Variants in HNF4G observed in about 807,000 individuals in gnomAD.
HNF4G encodes the protein hepatocyte nuclear factor 4-gamma.
In HNF4G, 21 loss-of-function variants were observed where a neutral mutation model predicts 50.9. That is an observed-to-expected ratio of 0.41 (90% CI 0.29 to 0.59). The LOEUF (loss-of-function observed/expected upper bound fraction) is 0.59. Among genes scored for constraint, HNF4G ranks in the 20% least tolerant of loss-of-function variants. The probability of loss-of-function intolerance (pLI) is 0.26; values close to 1 mark genes in which losing one functional copy is unlikely to be tolerated. For missense variants in HNF4G, 527 were observed against 559.4 expected, an observed-to-expected ratio of 0.94 and a Z score of 0.58; for synonymous variants, 198 against 185.6, an observed-to-expected ratio of 1.07 and a Z score of -0.54.
At position 75,471,374 on chromosome 8, in the gene HNF4G, T is replaced by C. The variant is rs149977554; in HGVS notation, c.-143-18715T>C. Among the ~76,000 whole-genome samples the C allele has an allele frequency of 4.4e-3, 675 of 152,308 alleles. 9 individuals carry two copies. Among genetic ancestry groups the C allele is most frequent in the Non-Finnish European group, 5.0e-3 (343 of 68,016 alleles). On this transcript the variant is annotated intron_variant, in intron 1 of 10. Transcript: ENST00000354370. The stretch of plus-strand genomic sequence containing the variant: ...GCAGTATATCTAAGCAATTAATTCA[T>C]TATATAGCTCTCATATTTGCAATCA...
At position 75,509,985 on chromosome 8, in the gene HNF4G, G is replaced by A. The variant is rs114609843; in HGVS notation, c.-24+19777G>A. The stretch of plus-strand genomic sequence containing the variant: ...AATTACTATAAAAGAGCCTCAGGCA[G>A]GTCCTTCAGGAGGTATTCCAGAGAA... On this transcript the variant is annotated intron_variant, in intron 2 of 10. Transcript: ENST00000354370. Among the ~76,000 whole-genome samples, 1,428 of 152,226 alleles carry A rather than the reference G, an allele frequency of 9.4e-3. 32 individuals carry two copies. The highest frequency in any genetic ancestry group is 0.033 in the African/African-American group (1,369 of 41,528).
At chr8:75,430,772 ACT>A (rs758275683) in intron 1 of HNF4G, among the ~76,000 whole-genome samples, 3 of 152,188 alleles carry the variant, frequency 2.0e-5, no homozygotes, top group South Asian at 2.1e-4. Context: ...GTCCCACATA[ACT>A]CTCATAGATA....
At chr8:75,485,519 A>C (rs1812478909) in intron 1 of HNF4G, among the ~76,000 whole-genome samples, 1 of 149,290 alleles carries the variant, frequency 6.7e-6, no homozygotes, top group African/African-American at 2.5e-5. Flanking sequence ...CTGTTAATTA[A>C]AGTTTTGAGC....
At chr8:75,459,535 A>T (rs138933917) in intron 1 of HNF4G, among the ~76,000 whole-genome samples, 1 of 152,206 alleles carries the variant, frequency 6.6e-6, no homozygotes, top group Non-Finnish European at 1.5e-5. Flanking sequence ...TCTTGATGTT[A>T]TAAGTCTTGA....
At chr8:75,427,370 G>A (rs2130507726) in intron 1 of HNF4G, among the ~76,000 whole-genome samples, 1 of 152,238 alleles carries the variant, frequency 6.6e-6, no homozygotes, top group Middle Eastern at 3.4e-3. Context: ...TTGAGGTCAG[G>A]AGTTCAAGAC....
intron 1 of HNF4G, among the ~76,000 whole-genome samples, chr8:75,440,297 T>C (rs912540177): frequency 6.6e-6 from 1 of 152,210 alleles, no homozygotes; most frequent in African/African-American, 2.4e-5. Context: ...TTTTCTGTAG[T>C]GTTTTAAAGT....
chr8:75,523,936 A>G (rs866156493), intron 2 of HNF4G, among the ~76,000 whole-genome samples: 3 of 151,916 alleles, frequency 2.0e-5, no homozygotes, highest in Non-Finnish European at 2.9e-5. Flanking sequence ...TTACTAGAAG[A>G]CACCTTATAT....
Position 75,565,983 on chromosome 8 carries a change from T to C in HNF4G, c.*1887T>C, listed in dbSNP as rs565950019. 7.9e-5 allele frequency: 12 copies of C among 152,140 alleles called. No homozygotes were observed. Among genetic ancestry groups the C allele is most frequent in the Admixed American group, 7.2e-4 (11 of 15,278 alleles). 9.4% of individuals were successfully genotyped at this position (152,140 alleles called of 1,614,324 possible). On this transcript the variant is annotated 3_prime_UTR_variant, in exon 10 of 10. Coordinates refer to ENST00000396423, the MANE Select transcript of HNF4G (RefSeq NM_004133.5). ...AATAAGAATGTTTTGATTTTGATCATACAAATAACTTTTGTAGATTTTTGT... is the reference window on the plus strand; with the variant it reads ...AATAAGAATGTTTTGATTTTGATCACACAAATAACTTTTGTAGATTTTTGT...
intron 2 of HNF4G, among the ~76,000 whole-genome samples, chr8:75,523,591 G>A (rs1055645423): frequency 2.6e-5 from 4 of 152,078 alleles, no homozygotes; most frequent in East Asian, 1.9e-4. Context: ...TTTAGTGTAC[G>A]TTAAATGTAT....
intron 2 of HNF4G, among the ~76,000 whole-genome samples, chr8:75,524,056 T>A (rs1009554137): frequency 6.6e-6 from 1 of 152,018 alleles, no homozygotes. Context: ...GTGCACAGAT[T>A]ATCCACCTAT....
intron 2 of HNF4G, among the ~76,000 whole-genome samples, chr8:75,531,657 T>C (rs1413040187): frequency 6.6e-6 from 1 of 151,848 alleles, no homozygotes; most frequent in African/African-American, 2.4e-5. Flanking sequence ...CTGAAGATAT[T>C]TTCAAAAATA....
chr8:75,482,674 T>C (rs1462349970), intron 1 of HNF4G, among the ~76,000 whole-genome samples: 3 of 152,128 alleles, frequency 2.0e-5, no homozygotes, highest in Non-Finnish European at 4.4e-5. Context: ...CGGCTGGTTT[T>C]TGTTTTGTTT....
At chr8:75,435,845 T>C (rs1198932302) in intron 1 of HNF4G, among the ~76,000 whole-genome samples, 1 of 152,118 alleles carries the variant, frequency 6.6e-6, no homozygotes, top group African/African-American at 2.4e-5. Flanking sequence ...CCACCCACCT[T>C]GGTCTCCCAA....
chr8:75,423,948 C>T (rs1810835530), intron 1 of HNF4G, among the ~76,000 whole-genome samples: 1 of 150,386 alleles, frequency 6.6e-6, no homozygotes, highest in African/African-American at 2.4e-5. Context: ...CTCAGCCTCC[C>T]GAGTAGCTGG....
chr8:75,513,815 CTTT>C (rs945707553), intron 2 of HNF4G, among the ~76,000 whole-genome samples: 11 of 151,338 alleles, frequency 7.3e-5, no homozygotes, highest in African/African-American at 2.4e-4. Context: ...AGCAAGTGGA[CTTT>C]TTATTATATT....
At chr8:75,484,070 T>G (rs1812442662) in intron 1 of HNF4G, among the ~76,000 whole-genome samples, 2 of 152,212 alleles carry the variant, frequency 1.3e-5, no homozygotes, top group African/African-American at 4.8e-5. Flanking sequence ...AACGTAAATT[T>G]TTATTGTTTT....
At chr8:75,531,837 A>T (rs1022172892) in intron 2 of HNF4G, among the ~76,000 whole-genome samples, 2 of 152,250 alleles carry the variant, frequency 1.3e-5, no homozygotes, top group East Asian at 1.9e-4. Context: ...GGATTTTGGT[A>T]TCCACAGGGT....
Position 75,440,518 on chromosome 8 carries a change from T to C in HNF4G, c.-144+32356T>C, listed in dbSNP as rs567145326. On this transcript the variant is annotated intron_variant, in intron 1 of 10. Transcript: ENST00000354370. ...TATAGTTTCACAGATTGCCAGCAAT[T>C]ATGGCTAAAAAACTAAATCAAATAT... Among the ~76,000 whole-genome samples, 5 of 152,360 alleles carry C rather than the reference T, an allele frequency of 3.3e-5. No individual in the cohort carries two copies. In the South Asian group the frequency reaches 1.0e-3, roughly 32 times the overall value.
At chr8:75,494,421 T>G (rs1045033218) in intron 2 of HNF4G, among the ~76,000 whole-genome samples, 2 of 151,910 alleles carry the variant, frequency 1.3e-5, no homozygotes, top group African/African-American at 4.8e-5. Flanking sequence ...TCATTTTTAT[T>G]GCCTGAAATA....
Sources: allele counts gnomAD v4.1 joint callset (sites outside exome capture counted in the v4.1 genomes callset), GRCh38; gene constraint gnomAD v4.1.1; transcripts MANE v1.5; gene names NCBI Gene and HGNC (gene_info 2026-07-23, HGNC 2026-07-21).